Variants in ITFG1 observed in about 807,000 individuals in gnomAD.
The protein encoded by ITFG1 is integrin alpha FG-GAP repeat containing 1.
ITFG1 carries 34 observed loss-of-function variants against 81.8 expected under a neutral mutation model. The observed-to-expected ratio is 0.42, with a 90% CI of 0.32 to 0.55. The LOEUF is 0.55. Among genes scored for constraint, ITFG1 ranks in the 20% least tolerant of loss-of-function variants. The pLI is 0.17. For synonymous variants in ITFG1, 285 were observed against 270.6 expected, an observed-to-expected ratio of 1.05 and a Z score of -0.52; for missense variants, 672 against 755.4, an observed-to-expected ratio of 0.89 and a Z score of 1.29.
At chr16:47,279,042 T>G (rs533422955) in intron 10 of ITFG1, among the ~76,000 whole-genome samples, 1 of 152,182 alleles carries the variant, frequency 6.6e-6, no homozygotes, top group Non-Finnish European at 1.5e-5. Context: ...ACAAATCCTT[T>G]GTGAATGAGA....
At chr16:47,317,070 A>G (rs934702952) in intron 8 of ITFG1, among the ~76,000 whole-genome samples, 1 of 152,198 alleles carries the variant, frequency 6.6e-6, no homozygotes, top group African/African-American at 2.4e-5. Flanking sequence ...TGATTTACTA[A>G]TATTTACAAA....
At chr16:47,435,743 C>T (rs185000591) in intron 5 of ITFG1, among the ~76,000 whole-genome samples, 53 of 152,252 alleles carry the variant, frequency 3.5e-4, no homozygotes, top group Non-Finnish European at 6.8e-4. Flanking sequence ...GTTCTTTAGT[C>T]CTGCGGTCTT....
At position 47,296,201 on chromosome 16, in the gene ITFG1, C is replaced by T. The variant is rs543586387; in HGVS notation, c.1070+15039G>A. On this transcript the variant is annotated intron_variant, in intron 10 of 17. Transcript: ENST00000320640. Reference sequence around the variant, plus strand: ...TCCTCCTGCCTCAGCTGCCCAAAGACGCTGAGACTACAGAGATGAACCACC... The same window carrying T: ...TCCTCCTGCCTCAGCTGCCCAAAGATGCTGAGACTACAGAGATGAACCACC... Among the ~76,000 whole-genome samples the T allele has an allele frequency of 1.7e-3, 256 of 151,434 alleles. 1 individual carries two copies. In the Middle Eastern group the frequency reaches 0.017, roughly 10 times the overall value.
chr16:47,374,506 G>A (rs1968299189), intron 7 of ITFG1, among the ~76,000 whole-genome samples: 1 of 151,986 alleles, frequency 6.6e-6, no homozygotes, highest in Non-Finnish European at 1.5e-5. Flanking sequence ...TTATAATGAG[G>A]CTTCCCCCGA....
intron 5 of ITFG1, among the ~76,000 whole-genome samples, chr16:47,431,382 T>A (rs1391034916): frequency 6.6e-6 from 1 of 152,184 alleles, no homozygotes; most frequent in Non-Finnish European, 1.5e-5. Flanking sequence ...AAATGCACAT[T>A]CAAGGGATCT....
chr16:47,300,828 T>C (rs1174025880), intron 10 of ITFG1, among the ~76,000 whole-genome samples: 3 of 152,198 alleles, frequency 2.0e-5, no homozygotes, highest in Admixed American at 6.5e-5. Context: ...ATAATGCTCC[T>C]TTGTAAGTAT....
chr16:47,451,883 A>T (rs1476534415), intron 4 of ITFG1, among the ~76,000 whole-genome samples: 2 of 152,204 alleles, frequency 1.3e-5, no homozygotes, highest in Non-Finnish European at 2.9e-5. Flanking sequence ...CATTATCTAG[A>T]CTACCCTTGA....
chr16:47,229,102 A>C (rs975878844), intron 13 of ITFG1, among the ~76,000 whole-genome samples: 3 of 152,180 alleles, frequency 2.0e-5, no homozygotes, highest in African/African-American at 7.2e-5. Context: ...CTGGGGAGTA[A>C]AGACTGAATA....
chr16:47,212,259 G>A lies in ITFG1; in HGVS notation c.1453+6609C>T, dbSNP rs539528902. Among the ~76,000 whole-genome samples the A allele has an allele frequency of 2.4e-4, 36 of 152,122 alleles. No homozygotes were observed. In the South Asian group the frequency reaches 6.4e-3, roughly 27 times the overall value. ...GACGGGGTCTTGCTGTGTCACCCAGGTTAGAGTGCAGTGGTGCAATTGTGG... is the reference window on the plus strand; with the variant it reads ...GACGGGGTCTTGCTGTGTCACCCAGATTAGAGTGCAGTGGTGCAATTGTGG... On this transcript the variant is annotated intron_variant, in intron 14 of 17. Transcript: ENST00000320640.
rs1222007051 is a variant in ITFG1, at chr16:47,376,964, C to CAAAAAAAAAAAAAAAAAAAAAAAAAAA, written c.656-1025_656-1024insTTTTTTTTTTTTTTTTTTTTTTTTTTT. Among the ~76,000 whole-genome samples, 10 of 18,074 alleles carry CAAAAAAAAAAAAAAAAAAAAAAAAAAA rather than the reference C, an allele frequency of 5.5e-4. 3 individuals are homozygous for CAAAAAAAAAAAAAAAAAAAAAAAAAAA. Among genetic ancestry groups the CAAAAAAAAAAAAAAAAAAAAAAAAAAA allele is most frequent in the African/African-American group, 1.2e-3 (10 of 8,054 alleles). The allele number at this position is 18,074 out of a possible 152,430, so 11.9% of individuals were successfully genotyped here. On this transcript the variant is annotated intron_variant, in intron 6 of 17. Coordinates refer to ENST00000320640, the MANE Select transcript of ITFG1 (RefSeq NM_030790.5). ...GAGACAGAGGGAGACTCTGTCTCCC[C>CAAAAAAAAAAAAAAAAAAAAAAAAAAA]AAAAAAAAAAAAAAAAAAAAAAAAA...
At chr16:47,396,131 T>C (rs1567485390) in intron 6 of ITFG1, 1 of 982,158 alleles carries the variant, frequency 1.0e-6, no homozygotes, top group East Asian at 1.1e-4. Flanking sequence ...TTAAGTATAG[T>C]GTGGTGGGTG....
chr16:47,337,736 C>A (rs572847214), intron 8 of ITFG1, among the ~76,000 whole-genome samples: 1 of 152,206 alleles, frequency 6.6e-6, no homozygotes, highest in South Asian at 2.1e-4. Flanking sequence ...TGGTGAGATG[C>A]AGTGGGGGAG....
intron 6 of ITFG1, among the ~76,000 whole-genome samples, chr16:47,394,202 C>T (rs1179342451): frequency 5.9e-5 from 9 of 152,102 alleles, no homozygotes; most frequent in African/African-American, 2.2e-4. Flanking sequence ...AGAATTTAAA[C>T]CTAGATTTAT....
chr16:47,206,106 T>C (rs1965496617), intron 14 of ITFG1, among the ~76,000 whole-genome samples: 1 of 152,018 alleles, frequency 6.6e-6, no homozygotes, highest in Non-Finnish European at 1.5e-5. Flanking sequence ...CCTCAAGTGA[T>C]CCACCCACCT....
chr16:47,394,493 CA>C (rs1275814491), intron 6 of ITFG1, among the ~76,000 whole-genome samples: 1 of 152,050 alleles, frequency 6.6e-6, no homozygotes, highest in East Asian at 1.9e-4. Flanking sequence ...GTAAAGTCCA[CA>C]AAAACACAAA....
At chr16:47,338,539 A>C (rs1967739564) in intron 8 of ITFG1, among the ~76,000 whole-genome samples, 1 of 152,226 alleles carries the variant, frequency 6.6e-6, no homozygotes, top group Admixed American at 6.5e-5. Flanking sequence ...AGAGCAAAAA[A>C]ATCACAAGGC....
chr16:47,356,441 A>T (rs560626736), intron 8 of ITFG1, among the ~76,000 whole-genome samples: 1 of 152,238 alleles, frequency 6.6e-6, no homozygotes, highest in Non-Finnish European at 1.5e-5. Flanking sequence ...AGGCAGGGGC[A>T]AGTTAAATAC....
At chr16:47,396,249 T>A in intron 6 of ITFG1, 16 of 751,498 alleles carry the variant, frequency 2.1e-5, no homozygotes, top group Non-Finnish European at 2.6e-5. Context: ...GGTACAGCTG[T>A]TAGCTGTTGC....
chr16:47,282,607 C>T (rs1278681651), intron 10 of ITFG1, among the ~76,000 whole-genome samples: 3 of 152,028 alleles, frequency 2.0e-5, no homozygotes, highest in South Asian at 2.1e-4. Context: ...TGGTTAAGTA[C>T]CCAGTAGTAG....
Sources: gnomAD v4.1 joint callset for allele counts (sites outside exome capture counted in the v4.1 genomes callset) on GRCh38, gnomAD v4.1.1 for gene constraint, MANE v1.5 for transcripts, NCBI Gene and HGNC (gene_info 2026-07-23, HGNC 2026-07-21) for gene names.